The following RPA1 variants were observed in gnomAD, a reference collection of about 807,000 sequenced individuals.
RPA1 encodes replication protein A 70 kDa DNA-binding subunit.
In RPA1, 49 loss-of-function variants were observed where a neutral mutation model predicts 83.0. That is an observed-to-expected ratio of 0.59 (90% CI 0.47 to 0.75). RPA1 has a LOEUF of 0.75. RPA1 is among the 30% of genes least tolerant of loss of function. The pLI, the probability that RPA1 is intolerant of heterozygous loss-of-function variation, is 0.00. For synonymous variants in RPA1, 279 were observed against 281.8 expected (o/e 0.99, Z 0.10); for missense variants, 693 against 776.1 (o/e 0.89, Z 1.27).
At chr17:1,836,172 C>T (rs1567798938) in intron 1 of RPA1, among the ~76,000 whole-genome samples, 1 of 152,098 alleles carries the variant, frequency 6.6e-6, no homozygotes, top group South Asian at 2.1e-4. Flanking sequence ...AGTGCAGTGG[C>T]GTGATCTCAG....
At chr17:1,880,403 G>A (rs777450274) in intron 11 of RPA1, 140 bp from the exon 12 acceptor site, 25 of 787,800 alleles carry the variant, frequency 3.2e-5, no homozygotes, top group Non-Finnish European at 4.4e-5. Context: ...AGATTCTCAT[G>A]TGTGAGGTCT....
intron 1 of RPA1, among the ~76,000 whole-genome samples, chr17:1,831,898 CTTTTTTTT>C (rs138268342): frequency 1.3e-4 from 5 of 37,838 alleles, no homozygotes; most frequent in African/African-American, 4.6e-4. Flanking sequence ...TGTGCCCGGC[CTTTTTTTT>C]TTTTTTTTTT....
At chr17:1,830,766 T>G (rs1911524018) in intron 1 of RPA1, 1 of 104,484 alleles carries the variant, frequency 9.6e-6, no homozygotes, top group Non-Finnish European at 2.3e-5. Flanking sequence ...CCCGAGGCAA[T>G]TTCTTTTTTT....
intron 5 of RPA1, among the ~76,000 whole-genome samples, chr17:1,853,796 C>T (rs967218716): frequency 2.6e-5 from 4 of 152,136 alleles, no homozygotes; most frequent in African/African-American, 7.2e-5. Flanking sequence ...TAATGAGAAA[C>T]GTGTTTTCCT....
intron 1 of RPA1, among the ~76,000 whole-genome samples, chr17:1,838,526 C>A (rs1911910353): frequency 6.6e-6 from 1 of 151,568 alleles, no homozygotes; most frequent in Non-Finnish European, 1.5e-5. Flanking sequence ...TTACTTGAAC[C>A]CAGGAGGTGG....
In RPA1 at chr17:1,875,939, T is replaced by G. The variant is rs889669144; in HGVS notation, c.587+146T>G. The G allele has an allele frequency of 2.4e-4, 189 of 777,710 alleles. 1 individual carries two copies. Among genetic ancestry groups the G allele is most frequent in the Non-Finnish European group, 3.0e-4 (165 of 552,066 alleles). The allele number at this position is 777,710 out of a possible 1,614,324, so 48.2% of individuals were successfully genotyped here. A position where few individuals can be genotyped will look rare whatever the true frequency, so the allele number is the denominator to read the frequency against. The stretch of plus-strand genomic sequence containing the variant: ...GGTTTACTCTTTTTTTTTTTTTTTT[T>G]TGCTGAGGAGGAAAGGGGTACAAAT... On this transcript the variant is annotated intron_variant, in intron 7 of 16. Transcript: ENST00000254719.
In RPA1 at chr17:1,833,153, C is replaced by T. The variant is rs1597412844; in HGVS notation, c.33+3027C>T. 2.1e-5 allele frequency among the ~76,000 whole-genome samples: 3 copies of T among 144,588 alleles called. No homozygotes were observed. In the Admixed American group the frequency reaches 2.1e-4, roughly 10 times the overall value. 94.9% of individuals were successfully genotyped at this position (144,588 alleles called of 152,430 possible). A position where few individuals can be genotyped will look rare whatever the true frequency, so the allele number is the denominator to read the frequency against. ...TGTAGGCCAGGCTGGTCTTGAACTC[C>T]TGGCCTCGAGATCCACCCACCTTGG... On this transcript the variant is annotated intron_variant, in intron 1 of 16. Transcript: ENST00000254719.
chr17:1,868,136 A>G (rs1376503626), intron 5 of RPA1, among the ~76,000 whole-genome samples: 1 of 152,144 alleles, frequency 6.6e-6, no homozygotes, highest in East Asian at 1.9e-4. Context: ...ATATTCCTTT[A>G]TTTCAGTACC....
At chr17:1,861,002 A>C (rs1243322737) in intron 5 of RPA1, among the ~76,000 whole-genome samples, 2 of 152,172 alleles carry the variant, frequency 1.3e-5, no homozygotes, top group African/African-American at 4.8e-5. Flanking sequence ...CTCGTGCCCC[A>C]TGAATATGAA....
At position 1,899,341 on chromosome 17, in the gene RPA1, T is replaced by G. The variant is rs1914566908; in HGVS notation, c.*2166T>G. The G allele has an allele frequency of 1.3e-5, 2 of 150,296 alleles. No homozygotes were observed. The highest frequency in any genetic ancestry group is 4.9e-5 in the African/African-American group (2 of 40,918). 9.3% of individuals were successfully genotyped at this position (150,296 alleles called of 1,614,324 possible). On this transcript the variant is annotated 3_prime_UTR_variant, in exon 17 of 17. Transcript: ENST00000254719. ...TGTTGTTCTGTTTCTCCTCTTTCAC[T>G]TAGAGATCAATGTTGATTTTGCGTA... is the stretch of plus-strand genomic sequence containing the variant.
chr17:1,839,596 G>A (rs897621466), intron 1 of RPA1, among the ~76,000 whole-genome samples: 16 of 150,972 alleles, frequency 1.1e-4, no homozygotes, highest in South Asian at 8.4e-4. Flanking sequence ...AAAATGCTGG[G>A]AGTACAGGCG....
chr17:1,851,244 G>T (rs980878057), intron 4 of RPA1, among the ~76,000 whole-genome samples: 4 of 148,040 alleles, frequency 2.7e-5, no homozygotes, highest in Non-Finnish European at 5.9e-5. Flanking sequence ...TTTCCATCTT[G>T]TTGTATATGT....
intron 14 of RPA1, 93 bp downstream of exon 14, chr17:1,888,944 T>C (rs1914100470): frequency 7.4e-7 from 1 of 1,360,120 alleles, no homozygotes. Context: ...AGACAAAGCA[T>C]TCCTGGTAGG....
intron 1 of RPA1, among the ~76,000 whole-genome samples, chr17:1,833,655 G>C (rs1324540680): frequency 6.6e-6 from 1 of 151,840 alleles, no homozygotes; most frequent in Admixed American, 6.6e-5. Flanking sequence ...GGGAGTTTGA[G>C]ACCAGCTTGG....
At chr17:1,848,333 C>T (rs1038638896) in intron 4 of RPA1, among the ~76,000 whole-genome samples, 2 of 152,082 alleles carry the variant, frequency 1.3e-5, no homozygotes, top group Non-Finnish European at 2.9e-5. Flanking sequence ...AATTATCAGC[C>T]AGGCACGGTG....
intron 13 of RPA1, among the ~76,000 whole-genome samples, chr17:1,886,994 C>T (rs1340252928): frequency 2.6e-5 from 4 of 152,136 alleles, no homozygotes; most frequent in African/African-American, 9.7e-5. Flanking sequence ...TCAGCCTTCA[C>T]AGAATTGAAG....
chr17:1,896,926 G>C (rs1452674316), intron 16 of RPA1, 145 bp from the exon 17 acceptor site: 1 of 700,274 alleles, frequency 1.4e-6, no homozygotes, highest in Non-Finnish European at 2.6e-6. Context: ...TTCAGGAGGA[G>C]GCTGTCACTC....
chr17:1,859,068 A>G (rs1912837645), intron 5 of RPA1, among the ~76,000 whole-genome samples: 1 of 151,678 alleles, frequency 6.6e-6, no homozygotes, highest in African/African-American at 2.4e-5. Flanking sequence ...ATGCCTGGCT[A>G]ATTTTTGTAT....
In RPA1 at chr17:1,830,139, C is replaced by CG; in HGVS notation, c.33+18dup. 8.1e-7 allele frequency: 1 copy of CG among 1,237,354 alleles called. No individual in the cohort carries two copies. 76.6% of individuals were successfully genotyped at this position (1,237,354 alleles called of 1,614,324 possible). A position where few individuals can be genotyped will look rare whatever the true frequency, so the allele number is the denominator to read the frequency against. On this transcript the variant is annotated intron_variant, in intron 1 of 16. Transcript: ENST00000254719. ...GGGGGCCATTGCGGTGAGGAGGTGCCGGGGGCTGGGCCGGCGGTCCGGGGT... is the reference window on the plus strand; with the variant it reads ...GGGGGCCATTGCGGTGAGGAGGTGCCGGGGGGCTGGGCCGGCGGTCCGGGGT...
Sources: gnomAD v4.1 joint callset for allele counts (sites outside exome capture counted in the v4.1 genomes callset) on GRCh38, gnomAD v4.1.1 for gene constraint, MANE v1.5 for transcripts, NCBI Gene and HGNC (gene_info 2026-07-23, HGNC 2026-07-21) for gene names.